The following DPP6 variants were observed in gnomAD, a reference collection of about 807,000 sequenced individuals.
The protein encoded by DPP6 is A-type potassium channel modulatory protein DPP6.
Under a neutral mutation model 122.6 loss-of-function variants are expected in DPP6, and 69 were observed. That is an observed-to-expected ratio of 0.56 (90% CI 0.46 to 0.69). DPP6 has a LOEUF of 0.69. DPP6 is among the 30% of genes least tolerant of loss of function. The pLI is 0.00. For missense variants in DPP6, 928 were observed against 1,116.9 expected, an observed-to-expected ratio of 0.83 and a Z score of 2.41; for synonymous variants, 418 against 433.1, an observed-to-expected ratio of 0.97 and a Z score of 0.43.
intron 1 of DPP6, among the ~76,000 whole-genome samples, chr7:154,262,954 T>C (rs1585772721): frequency 6.6e-6 from 1 of 152,314 alleles, no homozygotes; most frequent in East Asian, 1.9e-4. Flanking sequence ...GTGGGGAAAC[T>C]TTCTCCTTAG....
chr7:154,540,428 C>CT, intron 3 of DPP6, 104 bp from the exon 4 acceptor site: 2 of 745,990 alleles, frequency 2.7e-6, no homozygotes, highest in Admixed American at 2.2e-5. Context: ...GGGAGCCTAT[C>CT]TTTTTTTCAG....
At chr7:154,450,254 G>C (rs943167592) in intron 2 of DPP6, among the ~76,000 whole-genome samples, 16 of 151,916 alleles carry the variant, frequency 1.1e-4, no homozygotes, top group Non-Finnish European at 4.4e-5. Context: ...GTAAGGTAGA[G>C]GTAGGGAGAA....
intron 10 of DPP6, among the ~76,000 whole-genome samples, chr7:154,787,884 C>T (rs1392146199): frequency 6.6e-6 from 1 of 152,024 alleles, no homozygotes; most frequent in Non-Finnish European, 1.5e-5. Flanking sequence ...AATATCCTTC[C>T]ATTTCATCAT....
chr7:154,002,677 CCTGAGGATG>C (rs937325470), intron 1 of DPP6, among the ~76,000 whole-genome samples: 2 of 152,018 alleles, frequency 1.3e-5, no homozygotes, highest in Admixed American at 6.5e-5. Context: ...TGGGGAGGAT[CCTGAGGATG>C]CTGAGGTCAG....
At chr7:153,957,988 A>G (rs1795143727) in intron 1 of DPP6, among the ~76,000 whole-genome samples, 1 of 152,008 alleles carries the variant, frequency 6.6e-6, no homozygotes, top group South Asian at 2.1e-4. Context: ...ACATAGTAAA[A>G]CCCCATCTCT....
At chr7:154,169,950 G>A (rs772206635) in intron 1 of DPP6, among the ~76,000 whole-genome samples, 9 of 151,964 alleles carry the variant, frequency 5.9e-5, no homozygotes, top group African/African-American at 1.7e-4. Flanking sequence ...TCTTGAACTC[G>A]TGACCTCAGG....
chr7:153,845,526 AT>A, the DPP6 span, among the ~76,000 whole-genome samples: 4 of 151,770 alleles, frequency 2.6e-5, no homozygotes, highest in East Asian at 1.9e-4. Flanking sequence ...ATAAATCTAG[AT>A]TTTTTTTACA....
chr7:154,673,496 C>CA (rs1256213494), intron 7 of DPP6, among the ~76,000 whole-genome samples: 31 of 152,260 alleles, frequency 2.0e-4, no homozygotes, highest in African/African-American at 7.2e-4. Context: ...GTAATGACTG[C>CA]AGGGGGAGTG....
rs917613947 is a variant in DPP6, at chr7:154,481,339, AGAGAGG to A, written c.457+6304_457+6309del. On this transcript the variant is annotated intron_variant, in intron 3 of 25. Coordinates refer to ENST00000377770, the MANE Select transcript of DPP6 (RefSeq NM_130797.4). The surrounding 1 kb of genome is among the most constrained non-coding windows in gnomAD (Gnocchi z 4.2). ...CCGAGCTATACACTTGGAGAGAGAG[AGAGAGG>A]GGTGTGTGTGTGTGTGTGTGTGTGT... Among the ~76,000 whole-genome samples the A allele has an allele frequency of 1.8e-4, 16 of 88,898 alleles. No individual in the cohort carries two copies. The highest frequency in any genetic ancestry group is 8.0e-4 in the African/African-American group (16 of 19,894). The allele number at this position is 88,898 out of a possible 152,430, so 58.3% of individuals were successfully genotyped here. A position where few individuals can be genotyped will look rare whatever the true frequency, so the allele number is the denominator to read the frequency against.
intron 1 of DPP6, among the ~76,000 whole-genome samples, chr7:154,318,255 T>C (rs964254815): frequency 1.3e-5 from 2 of 152,210 alleles, no homozygotes; most frequent in Non-Finnish European, 2.9e-5. Context: ...TACTTAGAAA[T>C]GTATATGAGA....
chr7:154,786,014 CT>C (rs1250289694), intron 10 of DPP6, among the ~76,000 whole-genome samples: 2 of 152,130 alleles, frequency 1.3e-5, no homozygotes, highest in Non-Finnish European at 2.9e-5. Context: ...GTCTGGACTA[CT>C]TTTTCCAACC....
At chr7:153,870,877 C>T in the DPP6 span, among the ~76,000 whole-genome samples, 1 of 152,114 alleles carries the variant, frequency 6.6e-6, no homozygotes, top group Non-Finnish European at 1.5e-5. Flanking sequence ...CAGACAGGAC[C>T]CTCAGCTGCA....
intron 21 of DPP6, among the ~76,000 whole-genome samples, chr7:154,881,983 A>G (rs1805425749): frequency 6.6e-6 from 1 of 152,102 alleles, no homozygotes; most frequent in African/African-American, 2.4e-5. Context: ...CCCCACCCTC[A>G]TGGAAGTGAC....
intron 1 of DPP6, among the ~76,000 whole-genome samples, chr7:154,342,379 A>C (rs533114110): frequency 2.6e-5 from 4 of 152,308 alleles, no homozygotes; most frequent in Admixed American, 2.6e-4. Flanking sequence ...AGGCCTTCAC[A>C]TGTTTGGGGG....
At chr7:153,800,924 A>G in the DPP6 span, among the ~76,000 whole-genome samples, 4 of 152,384 alleles carry the variant, frequency 2.6e-5, no homozygotes, top group Middle Eastern at 3.4e-3. Flanking sequence ...TATGCTAATT[A>G]CCCTGATTTG....
At chr7:154,797,166 A>G (rs1041541631) in intron 12 of DPP6, among the ~76,000 whole-genome samples, 3 of 152,236 alleles carry the variant, frequency 2.0e-5, no homozygotes, top group Non-Finnish European at 2.9e-5. Flanking sequence ...TCCGTTATCT[A>G]TATATCATGT....
At chr7:154,671,662 T>C (rs1367327069) in intron 7 of DPP6, among the ~76,000 whole-genome samples, 1 of 152,180 alleles carries the variant, frequency 6.6e-6, no homozygotes, top group Non-Finnish European at 1.5e-5. Flanking sequence ...TGCGTGTGCA[T>C]GCACACACTT....
chr7:154,516,973 T>C (rs1216152009), intron 3 of DPP6, among the ~76,000 whole-genome samples: 1 of 152,224 alleles, frequency 6.6e-6, no homozygotes, highest in Admixed American at 6.5e-5. Flanking sequence ...TCTTTTCTGT[T>C]ATCTTTTTTT....
intron 1 of DPP6, among the ~76,000 whole-genome samples, chr7:154,132,467 A>G (rs1310897134): frequency 1.3e-5 from 2 of 151,554 alleles, no homozygotes; most frequent in African/African-American, 4.9e-5. Flanking sequence ...CCTTCACCTC[A>G]TTTACCCCAT....
Sources: gnomAD v4.1 joint callset for allele counts (sites outside exome capture counted in the v4.1 genomes callset) on GRCh38, gnomAD v4.1.1 for gene constraint, Gnocchi (gnomAD v3.1) non-coding constraint, MANE v1.5 for transcripts, NCBI Gene and HGNC (gene_info 2026-07-23, HGNC 2026-07-21) for gene names.